Variants in PPP1CB observed in about 807,000 individuals in gnomAD.
The protein encoded by PPP1CB is protein phosphatase 1 catalytic subunit beta.
PPP1CB carries 2 observed loss-of-function variants against 43.7 expected under a neutral mutation model. That is an observed-to-expected ratio of 0.05 (90% CI 0.02 to 0.14). The LOEUF (loss-of-function observed/expected upper bound fraction) is 0.14, where lower values mean the gene tolerates loss of function less well. PPP1CB is among the 10% of genes least tolerant of loss of function. The pLI is 1.00. For synonymous variants in PPP1CB, 136 were observed against 135.6 expected, an observed-to-expected ratio of 1.00 and a Z score of -0.02; for missense variants, 84 against 398.0, an observed-to-expected ratio of 0.21 and a Z score of 6.71.
chr2:28,752,581 C>T (rs987120622), intron 1 of PPP1CB, among the ~76,000 whole-genome samples: 5 of 152,210 alleles, frequency 3.3e-5, no homozygotes, highest in Non-Finnish European at 5.9e-5. Flanking sequence ...CACTGTTCTT[C>T]TCTGTTCTCT....
At chr2:28,753,208 A>AG (rs1338579106) in intron 1 of PPP1CB, among the ~76,000 whole-genome samples, 2 of 108,048 alleles carry the variant, frequency 1.9e-5, no homozygotes, top group Admixed American at 9.6e-5. Context: ...TAAACAATTT[A>AG]GAGGCCTCTT....
Position 28,776,966 on chromosome 2 carries a change from A to G in PPP1CB, c.168A>G (p.Ala56=). Residue 56 remains alanine, a synonymous_variant, in exon 2 of 8, where the codon GCA becomes GCG. Coordinates refer to ENST00000395366, the MANE Select transcript of PPP1CB (RefSeq NM_002709.3). Reference sequence around the variant, plus strand: ...AGCCTATTCTTTTGGAATTGGAAGCACCGCTGAAAATTTGTGGTATGTAAA... The same window carrying G: ...AGCCTATTCTTTTGGAATTGGAAGCGCCGCTGAAAATTTGTGGTATGTAAA... ...LSQPILLELE[A]PLKICGDIHG... 6.2e-7 allele frequency: 1 copy of G among 1,613,628 alleles called. No individual in the cohort carries two copies. The highest frequency in any genetic ancestry group is 8.5e-7 in the Non-Finnish European group (1 of 1,179,632).
At chr2:28,754,594 C>G (rs1344921974) in intron 1 of PPP1CB, among the ~76,000 whole-genome samples, 4 of 152,142 alleles carry the variant, frequency 2.6e-5, no homozygotes, top group East Asian at 1.9e-4. Flanking sequence ...TGACAGTGCC[C>G]CCAAGGGATT....
At chr2:28,789,565 T>G (rs114241479) in intron 6 of PPP1CB, among the ~76,000 whole-genome samples, 6,980 of 151,532 alleles carry the variant, frequency 0.046, 213 homozygotes, top group Middle Eastern at 0.071. Context: ...TTTCAGTGCT[T>G]CTTTGAAGCT....
intron 1 of PPP1CB, among the ~76,000 whole-genome samples, chr2:28,756,408 T>C (rs1666490025): frequency 6.6e-6 from 1 of 152,252 alleles, no homozygotes; most frequent in Admixed American, 6.5e-5. Context: ...TCTGAATTTG[T>C]GACACTGCTT....
rs1667620971 is a variant in PPP1CB, at chr2:28,801,702, T to C, written c.*2399T>C. 1 of 152,168 alleles carries C rather than the reference T, an allele frequency of 6.6e-6. No homozygotes were observed. The allele number at this position is 152,168 out of a possible 1,614,324, so 9.4% of individuals were successfully genotyped here. Reference sequence around the variant, plus strand: ...TAATTTATATTGTTCTTTCCTCTGATTTTTTTCAGGTTAGTGATTTTTTTG... The same window carrying C: ...TAATTTATATTGTTCTTTCCTCTGACTTTTTTCAGGTTAGTGATTTTTTTG... On this transcript the variant is annotated 3_prime_UTR_variant, in exon 8 of 8. Transcript: ENST00000395366.
At chr2:28,794,288 A>G (rs1466312145) in intron 7 of PPP1CB, among the ~76,000 whole-genome samples, 1 of 152,218 alleles carries the variant, frequency 6.6e-6, no homozygotes, top group Non-Finnish European at 1.5e-5. Context: ...GTGGCTTACT[A>G]AAAGAATGTG....
chr2:28,769,781 G>C (rs576957848), intron 1 of PPP1CB, among the ~76,000 whole-genome samples: 124 of 151,980 alleles, frequency 8.2e-4, no homozygotes, highest in African/African-American at 2.8e-3. Context: ...AATCTCTAGA[G>C]CAACCTCTAA....
Position 28,751,934 on chromosome 2 carries a change from TCCGAGTGTGCGCGCGCTCTCGCTAC to T in PPP1CB, c.-187_-163del, listed in dbSNP as rs1666293222. On this transcript the variant is annotated 5_prime_UTR_variant, in exon 1 of 8. Transcript: ENST00000395366. ...TATTTATTTATTTTCCGTGGGTGCC[TCCGAGTGTGCGCGCGCTCTCGCTAC>T]CCGGCGGGGAGGGGGTGGGGGGAGG... 1 of 630,910 alleles carries T rather than the reference TCCGAGTGTGCGCGCGCTCTCGCTAC, an allele frequency of 1.6e-6. No homozygotes were observed. Among genetic ancestry groups the T allele is most frequent in the Non-Finnish European group, 2.8e-6 (1 of 355,952 alleles). The allele number at this position is 630,910 out of a possible 1,614,324, so 39.1% of individuals were successfully genotyped here.
In PPP1CB at chr2:28,802,749, T is replaced by C. The variant is rs1356780092; in HGVS notation, c.*3446T>C. ...TTGATCTGTTAAATTGGATTTTACA[T>C]GTACATTTGAATGCCAGAATTTCTA... On this transcript the variant is annotated 3_prime_UTR_variant, in exon 8 of 8. Coordinates refer to ENST00000395366, the MANE Select transcript of PPP1CB (RefSeq NM_002709.3). 1 of 152,242 alleles carries C rather than the reference T, an allele frequency of 6.6e-6. No homozygotes were observed. Among genetic ancestry groups the C allele is most frequent in the East Asian group, 1.9e-4 (1 of 5,202 alleles). The allele number at this position is 152,242 out of a possible 1,614,324, so 9.4% of individuals were successfully genotyped here. A position where few individuals can be genotyped will look rare whatever the true frequency, so the allele number is the denominator to read the frequency against.
At chr2:28,782,093 G>A (rs1353196308) in intron 4 of PPP1CB, 1 of 425,512 alleles carries the variant, frequency 2.4e-6, no homozygotes, top group African/African-American at 2.1e-5. Context: ...AGTCTCCTTT[G>A]CCTCAAGTTT....
At chr2:28,755,604 G>A (rs948998946) in intron 1 of PPP1CB, among the ~76,000 whole-genome samples, 3 of 152,194 alleles carry the variant, frequency 2.0e-5, no homozygotes, top group African/African-American at 7.2e-5. Flanking sequence ...GGAAAATCCG[G>A]TAAAAGCTTC....
At chr2:28,774,018 TAA>T (rs1382248570) in intron 1 of PPP1CB, among the ~76,000 whole-genome samples, 4 of 152,236 alleles carry the variant, frequency 2.6e-5, no homozygotes, top group African/African-American at 4.8e-5. Context: ...AGTGAAAATA[TAA>T]AAAGTTTCTG....
At chr2:28,784,065 A>G in intron 5 of PPP1CB, 87 bp downstream of exon 5, 1 of 997,680 alleles carries the variant, frequency 1.0e-6, no homozygotes, top group Non-Finnish European at 1.5e-6. Context: ...GGATTGGCTT[A>G]TGTAATAAAT....
chr2:28,783,890 C>A lies in PPP1CB; in HGVS notation c.521-17C>A, dbSNP rs1667208711. 2 of 1,593,526 alleles carry A rather than the reference C, an allele frequency of 1.3e-6. No homozygotes were observed. Among genetic ancestry groups the A allele is most frequent in the Non-Finnish European group, 1.7e-6 (2 of 1,162,202 alleles). On this transcript the variant is annotated splice_polypyrimidine_tract_variant and intron_variant, in intron 4 of 7. Coordinates refer to ENST00000395366, the MANE Select transcript of PPP1CB (RefSeq NM_002709.3). ...ATTTTTAGCTGTTAGTACTATGTCT[C>A]ATCTTTTTATTTATAGGATTGTCAC...
At chr2:28,779,193 C>T (rs1286377119) in intron 3 of PPP1CB, among the ~76,000 whole-genome samples, 154 bp downstream of exon 3, 1 of 152,188 alleles carries the variant, frequency 6.6e-6, no homozygotes, top group African/African-American at 2.4e-5. Context: ...AAACATGTTA[C>T]TAATTAAATT....
chr2:28,799,056 A>G (rs551236162), intron 7 of PPP1CB, 143 bp from the exon 8 acceptor site: 1 of 610,532 alleles, frequency 1.6e-6, no homozygotes, highest in Admixed American at 3.2e-5. Flanking sequence ...GCACACTTTA[A>G]GAAATGTTTA....
At chr2:28,756,049 C>T (rs1247736538) in intron 1 of PPP1CB, among the ~76,000 whole-genome samples, 1 of 152,126 alleles carries the variant, frequency 6.6e-6, no homozygotes, top group Non-Finnish European at 1.5e-5. Context: ...AATTCACATG[C>T]TTTACATCAT....
intron 4 of PPP1CB, chr2:28,782,598 A>T (rs969959581): frequency 6.6e-6 from 1 of 152,224 alleles, no homozygotes; most frequent in Non-Finnish European, 1.5e-5. Flanking sequence ...AGGACTTGAG[A>T]CACTCTTTGT....
Sources: allele counts gnomAD v4.1 joint callset (sites outside exome capture counted in the v4.1 genomes callset), GRCh38; gene constraint gnomAD v4.1.1; transcripts MANE v1.5; gene names NCBI Gene and HGNC (gene_info 2026-07-23, HGNC 2026-07-21).